The following CHRNA2 variants were observed in gnomAD, a reference collection of about 807,000 sequenced individuals.
CHRNA2 encodes the protein cholinergic receptor nicotinic alpha 2 subunit.
CHRNA2 carries 40 observed loss-of-function variants against 45.5 expected under a neutral mutation model. The ratio of observed to expected loss-of-function variants is 0.88; its 90% CI spans 0.68 to 1.15. The LOEUF (loss-of-function observed/expected upper bound fraction) is 1.15. CHRNA2 is among the 50% of genes most tolerant of loss of function. The probability of loss-of-function intolerance (pLI) is 0.00; values close to 1 mark genes in which losing one functional copy is unlikely to be tolerated. For missense variants in CHRNA2, 655 were observed against 701.7 expected (o/e 0.93, Z 0.75); for synonymous variants, 301 against 296.7 (o/e 1.01, Z -0.15).
chr8:27,468,260 C>A (rs1366976799), intron 4 of CHRNA2, among the ~76,000 whole-genome samples: 1 of 152,218 alleles, frequency 6.6e-6, no homozygotes, highest in East Asian at 1.9e-4. Flanking sequence ...ACAACTGTGG[C>A]AGCCCAGGTT....
chr8:27,470,947 T>G, intron 2 of CHRNA2, 39 bp downstream of exon 2: 2,833 of 1,572,776 alleles, frequency 1.8e-3, no homozygotes, highest in Non-Finnish European at 2.3e-3. Context: ...CCCACAGGCA[T>G]GAGATGAAGT....
chr8:27,463,447 C>A lies in CHRNA2; in HGVS notation c.996G>T (p.Leu332=). The A allele has an allele frequency of 1.2e-6, 2 of 1,614,204 alleles. No homozygotes were observed. Among genetic ancestry groups the A allele is most frequent in the Non-Finnish European group, 8.5e-7 (1 of 1,180,038 alleles). ...GGGTGACGAAGATCATGGTGAACAG[C>A]AGGTACTCGCCGATGAGCGGGATGA... ...SLVIPLIGEY[L]LFTMIFVTLS... Residue 332 remains leucine, a synonymous_variant, in exon 6 of 7, where the codon CTG becomes CTT. Coordinates refer to ENST00000407991, the MANE Select transcript of CHRNA2 (RefSeq NM_000742.4). This position sits in a 1 kb window ranked among gnomAD's most constrained non-coding sequence, Gnocchi z 6.1.
intron 3 of CHRNA2, 133 bp downstream of exon 3, chr8:27,469,628 G>A (rs1812806457): frequency 9.4e-6 from 11 of 1,165,528 alleles, no homozygotes; most frequent in South Asian, 1.3e-5. Flanking sequence ...GCCCTGGGAA[G>A]AGCCATCCCC....
rs576023895 is a variant in CHRNA2, at chr8:27,470,891, C to T, written c.73+95G>A. The stretch of plus-strand genomic sequence containing the variant: ...CCTCTGAAGTCCCCTGCAGCTTTGA[C>T]GGTTGCAACACATCCACCTGCAGAC... On this transcript the variant is annotated intron_variant, in intron 2 of 6. Coordinates refer to ENST00000407991, the MANE Select transcript of CHRNA2 (RefSeq NM_000742.4). 782 of 1,311,344 alleles carry T rather than the reference C, an allele frequency of 6.0e-4. 1 individual carries two copies. The highest frequency in any genetic ancestry group is 7.7e-4 in the Non-Finnish European group (706 of 918,500). The allele number at this position is 1,311,344 out of a possible 1,614,324, so 81.2% of individuals were successfully genotyped here.
intron 5 of CHRNA2, 77 bp downstream of exon 5, chr8:27,467,152 G>A (rs2132660951): frequency 8.9e-7 from 1 of 1,121,462 alleles, no homozygotes; most frequent in Non-Finnish European, 1.4e-6. Flanking sequence ...CACCAGGGGG[G>A]CCCCTCCCAA....
At chr8:27,473,588 T>C (rs1350395611) in intron 1 of CHRNA2, among the ~76,000 whole-genome samples, 2 of 144,654 alleles carry the variant, frequency 1.4e-5, no homozygotes, top group African/African-American at 5.2e-5. Flanking sequence ...GTGCCTGTGA[T>C]CTCAGCTACT....
chr8:27,475,745 G>C (rs1214842890), intron 1 of CHRNA2, among the ~76,000 whole-genome samples: 1 of 152,148 alleles, frequency 6.6e-6, no homozygotes, highest in African/African-American at 2.4e-5. Context: ...TCTTTTTAAA[G>C]GTCAGCTGTG....
chr8:27,477,814 A>G (rs1428892740), intron 1 of CHRNA2, among the ~76,000 whole-genome samples: 1 of 152,138 alleles, frequency 6.6e-6, no homozygotes, highest in Non-Finnish European at 1.5e-5. Context: ...AATGGGGTAC[A>G]CAGAGAAGCC....
At position 27,461,651 on chromosome 8, in the gene CHRNA2, G is replaced by T. The variant is rs145238683; in HGVS notation, c.1568C>A (p.Pro523Gln). Reference sequence around the variant, plus strand: ...CAGTCAGATCATTCCAGCTAGGAACGGAGGCAGAAAGAGGCCGATGGTCCC... The same window carrying T: ...CAGTCAGATCATTCCAGCTAGGAACTGAGGCAGAAAGAGGCCGATGGTCCC... The part of the protein sequence containing the change: ...FLGTIGLFLP[P>Q]FLAGMI The change falls in exon 7 of 7, where the codon CCG becomes CAG. Residue 523 changes from proline (P) to glutamine (Q), a missense_variant. Physicochemically the swap from Pro to Gln is moderately conservative, Grantham distance 76. Transcript: ENST00000407991. 1.6e-5 allele frequency: 26 copies of T among 1,614,124 alleles called. No individual in the cohort carries two copies. The highest frequency in any genetic ancestry group is 2.0e-5 in the Non-Finnish European group (24 of 1,180,046).
At chr8:27,469,199 C>T (rs1249735292) in intron 4 of CHRNA2, 136 bp downstream of exon 4, 1 of 873,184 alleles carries the variant, frequency 1.1e-6, no homozygotes, top group Non-Finnish European at 1.9e-6. Context: ...GAACATCCCA[C>T]ATGGCATCTG....
chr8:27,467,970 C>G (rs1163839611), intron 4 of CHRNA2, among the ~76,000 whole-genome samples: 1 of 152,160 alleles, frequency 6.6e-6, no homozygotes, highest in African/African-American at 2.4e-5. Flanking sequence ...CTGCCTCCAT[C>G]AGGTTCGTAT....
intron 5 of CHRNA2, among the ~76,000 whole-genome samples, chr8:27,465,931 G>A (rs899560125): frequency 5.9e-5 from 9 of 152,154 alleles, no homozygotes; most frequent in African/African-American, 1.9e-4. Context: ...AACATTTCTT[G>A]TAATAAATCA....
intron 6 of CHRNA2, among the ~76,000 whole-genome samples, chr8:27,462,049 G>A (rs1472738064): frequency 6.6e-6 from 1 of 152,244 alleles, no homozygotes; most frequent in Non-Finnish European, 1.5e-5. Flanking sequence ...GGGACGCAAG[G>A]AGGCGGCACG....
At chr8:27,464,500 C>T (rs560165936) in intron 5 of CHRNA2, among the ~76,000 whole-genome samples, 3 of 151,856 alleles carry the variant, frequency 2.0e-5, no homozygotes, top group Admixed American at 6.6e-5. Context: ...AAAGTTCGTG[C>T]GTGTTAGGGG....
intron 4 of CHRNA2, 71 bp downstream of exon 4, chr8:27,469,264 A>C (rs1228762519): frequency 1.1e-5 from 15 of 1,423,996 alleles, no homozygotes; most frequent in Non-Finnish European, 1.4e-5. Flanking sequence ...CTAGCGAAGA[A>C]GTCCTGGAGG....
chr8:27,469,924 G>C lies in CHRNA2; in HGVS notation c.131C>G (p.Pro44Arg), dbSNP rs778838030. 6.2e-7 allele frequency: 1 copy of C among 1,614,164 alleles called. No individual in the cohort carries two copies. Residue 44 changes from proline (P) to arginine (R), a missense_variant, in exon 3 of 7, where the codon CCC becomes CGC. By Grantham distance (103) the Pro-to-Arg change is moderately radical. Coordinates refer to ENST00000407991, the MANE Select transcript of CHRNA2 (RefSeq NM_000742.4). The part of the protein sequence containing the change: ...PRAPGDPLSS[P>R]SPTALPQGGS... ...TCCCTGCGGCAATGCCGTGGGACTGGGAGAGGAGAGTGGGTCTCCAGGAGC... is the reference window on the plus strand; with the variant it reads ...TCCCTGCGGCAATGCCGTGGGACTGCGAGAGGAGAGTGGGTCTCCAGGAGC...
intron 3 of CHRNA2, 105 bp downstream of exon 3, chr8:27,469,656 C>G: frequency 4.2e-6 from 6 of 1,423,046 alleles, no homozygotes; most frequent in Non-Finnish European, 5.9e-6. Flanking sequence ...CCCCAAGTCA[C>G]TGCTGTGCGT....
chr8:27,463,945 G>A lies in CHRNA2; in HGVS notation c.498C>T (p.Phe166=). 1 of 1,614,214 alleles carries A rather than the reference G, an allele frequency of 6.2e-7. No homozygotes were observed. ...GCACCCAGTGCACAGTGCCCGTGGA[G>A]AAGAGGTGGGCCTTGGTCATGTGGG... is the stretch of plus-strand genomic sequence containing the variant. ...AVTHMTKAHL[F]STGTVHWVPP... is the part of the protein sequence containing the mutation. Residue 166 remains phenylalanine, a synonymous_variant, in exon 6 of 7, where the codon TTC becomes TTT. Coordinates refer to ENST00000407991, the MANE Select transcript of CHRNA2 (RefSeq NM_000742.4). This position sits in a 1 kb window ranked among gnomAD's most constrained non-coding sequence, Gnocchi z 6.1.
At chr8:27,476,276 C>T (rs568235509) in intron 1 of CHRNA2, among the ~76,000 whole-genome samples, 6 of 152,356 alleles carry the variant, frequency 3.9e-5, no homozygotes, top group South Asian at 4.1e-4. Flanking sequence ...GTCTCATCCA[C>T]TCGTCCACCC....
Sources: allele counts gnomAD v4.1 joint callset (sites outside exome capture counted in the v4.1 genomes callset), GRCh38; gene constraint gnomAD v4.1.1; non-coding constraint Gnocchi (gnomAD v3.1); transcripts MANE v1.5; gene names NCBI Gene and HGNC (gene_info 2026-07-23, HGNC 2026-07-21).